Variants in OSBPL11 observed in about 807,000 individuals in gnomAD.
The protein encoded by OSBPL11 is oxysterol binding protein like 11.
OSBPL11 carries 33 observed loss-of-function variants against 84.4 expected under a neutral mutation model. That is an observed-to-expected ratio of 0.39 (90% CI 0.30 to 0.52). OSBPL11 has a LOEUF of 0.52. Ranked by LOEUF, OSBPL11 falls within the 20% of genes least tolerant of loss-of-function variation. The pLI, the probability that OSBPL11 is intolerant of heterozygous loss-of-function variation, is 0.72. For synonymous variants in OSBPL11, 276 were observed against 310.2 expected, an observed-to-expected ratio of 0.89 and a Z score of 1.16; for missense variants, 736 against 901.1, an observed-to-expected ratio of 0.82 and a Z score of 2.35.
chr3:125,545,380 G>C (rs1362302247), intron 10 of OSBPL11, among the ~76,000 whole-genome samples: 1 of 152,144 alleles, frequency 6.6e-6, no homozygotes, highest in East Asian at 1.9e-4. Flanking sequence ...TTTAGCTATA[G>C]TAACCATCTA....
Position 125,560,395 on chromosome 3 carries a change from C to G in OSBPL11, c.1139G>C (p.Gly380Ala). The G allele has an allele frequency of 6.4e-7, 1 of 1,569,308 alleles. No homozygotes were observed. Among genetic ancestry groups the G allele is most frequent in the Non-Finnish European group, 8.7e-7 (1 of 1,154,010 alleles). Residue 380 changes from glycine (G) to alanine (A), a missense_variant, in exon 8 of 13, where the codon GGC becomes GCC. Physicochemically the swap from Gly to Ala is moderately conservative, Grantham distance 60 (BLOSUM62 0). Coordinates refer to ENST00000296220, the MANE Select transcript of OSBPL11 (RefSeq NM_022776.5). ...ATTACTTACTCTTGTTAAATCCATG[C>G]CCAGCTTAAGCTGTGACAAGAGATG... ...ILHLLSQLKLGMDLTRVVLPT... is the reference protein window; with the variant it reads ...ILHLLSQLKLAMDLTRVVLPT...
chr3:125,578,873 GA>G, intron 4 of OSBPL11, 86 bp downstream of exon 4: 1 of 755,352 alleles, frequency 1.3e-6, no homozygotes, highest in Non-Finnish European at 2.1e-6. Flanking sequence ...TACGGTATAT[GA>G]ATAGTATCTC....
intron 1 of OSBPL11, among the ~76,000 whole-genome samples, chr3:125,593,999 A>G (rs1363315088): frequency 1.3e-5 from 2 of 152,250 alleles, no homozygotes; most frequent in Non-Finnish European, 2.9e-5. Flanking sequence ...TAAGTTGTTC[A>G]TTCATATTAG....
intron 5 of OSBPL11, among the ~76,000 whole-genome samples, chr3:125,570,403 G>A (rs1322471733): frequency 2.0e-5 from 3 of 151,760 alleles, no homozygotes; most frequent in African/African-American, 7.3e-5. Context: ...TGTAATCCCA[G>A]CTACTTGGGA....
At chr3:125,556,725 G>A (rs980582070) in intron 8 of OSBPL11, among the ~76,000 whole-genome samples, 2 of 152,164 alleles carry the variant, frequency 1.3e-5, no homozygotes, top group East Asian at 3.8e-4. Context: ...CTAAGCTTAT[G>A]TTAGCTATTC....
chr3:125,538,599 T>G lies in OSBPL11; in HGVS notation c.1876A>C (p.Thr626Pro). ...TCCCCTTGCACTCTGCATACCACAG[T>G]GTTGGTGATGTTGTGCTTTACTTCA... Reference protein sequence around the residue: ...TAEVKHNITNTVVCRVQGEWN... With the variant: ...TAEVKHNITNPVVCRVQGEWN... The change falls in exon 11 of 13, where the codon ACT becomes CCT. Residue 626 changes from threonine (T) to proline (P), a missense_variant. Physicochemically the swap from Thr to Pro is conservative, Grantham distance 38. This residue lies in a region of OSBPL11 where 579 missense variants were observed against 717.6 expected (regional missense o/e 0.81). Transcript: ENST00000296220. The G allele has an allele frequency of 6.2e-7, 1 of 1,611,720 alleles. No individual in the cohort carries two copies. The highest frequency in any genetic ancestry group is 8.5e-7 in the Non-Finnish European group (1 of 1,179,182).
intron 4 of OSBPL11, among the ~76,000 whole-genome samples, chr3:125,578,758 G>C (rs111677795): frequency 2.0e-5 from 3 of 150,790 alleles, no homozygotes; most frequent in African/African-American, 4.9e-5. Flanking sequence ...GCCACAGAGA[G>C]AGACTCCGTC....
At chr3:125,585,797 G>A (rs1936501128) in intron 1 of OSBPL11, among the ~76,000 whole-genome samples, 1 of 152,218 alleles carries the variant, frequency 6.6e-6, no homozygotes, top group Non-Finnish European at 1.5e-5. Flanking sequence ...ACCAGCTGGT[G>A]TGGAACAACT....
intron 11 of OSBPL11, among the ~76,000 whole-genome samples, chr3:125,537,333 GCCCA>G (rs1186858012): frequency 6.6e-6 from 1 of 151,976 alleles, no homozygotes; most frequent in Non-Finnish European, 1.5e-5. Flanking sequence ...TAGTCCTAAG[GCCCA>G]CCAGTGCTAC....
Position 125,578,975 on chromosome 3 carries a change from A to C in OSBPL11, c.474T>G (p.Thr158=). ...SRLQICTQHH[T]EAIGKNNPPL... is the part of the protein sequence containing the mutation. ...ATCTACATACCTTTCCAATAGCTTC[A>C]GTATGATGCTGTGTACATATCTGAA... Residue 158 remains threonine (T), a synonymous_variant, in exon 4 of 13, where the codon ACT becomes ACG. Transcript: ENST00000296220. 1 of 1,572,030 alleles carries C rather than the reference A, an allele frequency of 6.4e-7. No homozygotes were observed. Among genetic ancestry groups the C allele is most frequent in the South Asian group, 1.2e-5 (1 of 83,650 alleles).
chr3:125,572,233 A>T (rs1936253396), intron 5 of OSBPL11, among the ~76,000 whole-genome samples: 1 of 152,152 alleles, frequency 6.6e-6, no homozygotes, highest in South Asian at 2.1e-4. Flanking sequence ...TATTTATCCA[A>T]TGCCTGTACC....
rs187466110 is a variant in OSBPL11, at chr3:125,529,695, G to C, written c.*820C>G. On this transcript the variant is annotated 3_prime_UTR_variant, in exon 13 of 13. Transcript: ENST00000296220. Reference sequence around the variant, plus strand: ...TATTTTCTTTAATGCCTTAGTTCTGGAGAAAGGCTAAAATCTCATCATATT... The same window carrying C: ...TATTTTCTTTAATGCCTTAGTTCTGCAGAAAGGCTAAAATCTCATCATATT... The C allele has an allele frequency of 2.3e-3, 354 of 152,644 alleles. 5 individuals are homozygous for C. The highest frequency in any genetic ancestry group is 1.6e-3 in the Non-Finnish European group (112 of 68,010). The allele number at this position is 152,644 out of a possible 1,614,324, so 9.5% of individuals were successfully genotyped here. A position where few individuals can be genotyped will look rare whatever the true frequency, so the allele number is the denominator to read the frequency against.
At chr3:125,585,544 A>AG in intron 1 of OSBPL11, among the ~76,000 whole-genome samples, 1 of 102,352 alleles carries the variant, frequency 9.8e-6, no homozygotes, top group African/African-American at 6.2e-5. Flanking sequence ...CTGAAAAAAA[A>AG]AAAAACAAAA....
At position 125,567,595 on chromosome 3, in the gene OSBPL11, T is replaced by C. The variant is rs758455396; in HGVS notation, c.667A>G (p.Met223Val). The change falls in exon 6 of 13, where the codon ATG (methionine) becomes GTG (valine). Residue 223 changes from methionine (M) to valine (V), a missense_variant and splice_region_variant. Around this residue, in one of 3 missense-constraint regions of OSBPL11, gnomAD observed 579 missense variants for 717.6 expected, o/e 0.81. Coordinates refer to ENST00000296220, the MANE Select transcript of OSBPL11 (RefSeq NM_022776.5). The stretch of plus-strand genomic sequence containing the variant: ...TGTTGTCCTTCAGCATGAGACATCA[T>C]CTAAGGAAAAAACAGTTCTGTGGGT... Reference protein sequence around the residue: ...PPDHLVEVREMMSHAEGQQRD... With the variant: ...PPDHLVEVREVMSHAEGQQRD... 44 of 1,612,754 alleles carry C rather than the reference T, an allele frequency of 2.7e-5. No individual in the cohort carries two copies. Among genetic ancestry groups the C allele is most frequent in the Non-Finnish European group, 3.6e-5 (43 of 1,179,054 alleles).
At position 125,590,752 on chromosome 3, in the gene OSBPL11, T is replaced by C. The variant is rs140759715; in HGVS notation, c.164+3885A>G. Among the ~76,000 whole-genome samples, 202 of 152,296 alleles carry C rather than the reference T, an allele frequency of 1.3e-3. 2 individuals carry two copies. The East Asian group carries it at 0.032, about 24-fold the overall frequency. ...GACATAGTAGAGACTCAAAAATATT[T>C]GCTACATAAGTTAGAACATGAGTAA... On this transcript the variant is annotated intron_variant, in intron 1 of 12. Coordinates refer to ENST00000296220, the MANE Select transcript of OSBPL11 (RefSeq NM_022776.5).
chr3:125,537,318 T>C (rs1935655433), intron 11 of OSBPL11, among the ~76,000 whole-genome samples: 1 of 152,148 alleles, frequency 6.6e-6, no homozygotes, highest in South Asian at 2.1e-4. Flanking sequence ...TGCCACTGCC[T>C]AGATTAGTCC....
At chr3:125,546,128 A>G (rs35429478) in intron 10 of OSBPL11, among the ~76,000 whole-genome samples, 9,853 of 150,718 alleles carry the variant, frequency 0.065, 442 homozygotes, top group Non-Finnish European at 0.097. Flanking sequence ...CTCTTAAAAA[A>G]AAAAAAAAAA....
chr3:125,582,555 G>C (rs896501785), intron 2 of OSBPL11, among the ~76,000 whole-genome samples: 14 of 152,178 alleles, frequency 9.2e-5, no homozygotes, highest in African/African-American at 3.4e-4. Context: ...GAGAAGCTGT[G>C]AATCTGGCAT....
At chr3:125,569,742 A>G (rs972507818) in intron 5 of OSBPL11, among the ~76,000 whole-genome samples, 1 of 152,250 alleles carries the variant, frequency 6.6e-6, no homozygotes, top group Non-Finnish European at 1.5e-5. Flanking sequence ...TTGTACAGCA[A>G]TGAAAAGGAA....
Sources: gnomAD v4.1 joint callset for allele counts (sites outside exome capture counted in the v4.1 genomes callset) on GRCh38, gnomAD v4.1.1 for gene constraint, gnomAD v4.1.1 regional missense constraint, MANE v1.5 for transcripts, NCBI Gene and HGNC (gene_info 2026-07-23, HGNC 2026-07-21) for gene names.